Variants in ZFHX3 observed in about 807,000 individuals in gnomAD.
ZFHX3 encodes the protein zinc finger homeobox protein 3.
A neutral mutation model predicts 279.1 loss-of-function variants in ZFHX3; 42 were observed. The ratio of observed to expected loss-of-function variants is 0.15; its 90% CI spans 0.12 to 0.19. The LOEUF (loss-of-function observed/expected upper bound fraction) is 0.19, where lower values mean the gene tolerates loss of function less well. ZFHX3 is among the 10% of genes least tolerant of loss of function. ZFHX3 has a pLI of 1.00. For synonymous variants in ZFHX3, 2,293 were observed against 1,957.8 expected, an observed-to-expected ratio of 1.17 and a Z score of -4.52; for missense variants, 4,981 against 4,754.0, an observed-to-expected ratio of 1.05 and a Z score of -1.40.
chr16:73,513,638 G>A (rs1333286483), intron 2 of ZFHX3, among the ~76,000 whole-genome samples: 5 of 152,142 alleles, frequency 3.3e-5, no homozygotes, highest in African/African-American at 4.8e-5. Flanking sequence ...CCTCAATTTG[G>A]AGTGAGGATA....
intron 2 of ZFHX3, among the ~76,000 whole-genome samples, chr16:73,655,415 G>T (rs2052712739): frequency 6.6e-6 from 1 of 152,186 alleles, no homozygotes; most frequent in South Asian, 2.1e-4. Context: ...TATTAGAATA[G>T]GAGACTCTAC....
At chr16:72,925,128 G>A (rs12708935) in intron 3 of ZFHX3, among the ~76,000 whole-genome samples, 39,251 of 152,134 alleles carry the variant, frequency 0.26, 5,366 homozygotes, top group Middle Eastern at 0.31. Flanking sequence ...TTTGTGTGCT[G>A]TGCAAATAAC....
intron 4 of ZFHX3, among the ~76,000 whole-genome samples, chr16:72,872,845 A>G (rs543126524): frequency 2.8e-4 from 43 of 152,326 alleles, no homozygotes; most frequent in African/African-American, 7.0e-4. Flanking sequence ...GGGCAAAACT[A>G]GACTTCCGAA....
chr16:73,221,321 C>T (rs112503743), intron 5 of ZFHX3, among the ~76,000 whole-genome samples: 2,295 of 152,036 alleles, frequency 0.015, 63 homozygotes, highest in African/African-American at 0.052. Flanking sequence ...GTTATAATTT[C>T]GATGTATCTA....
intron 3 of ZFHX3, among the ~76,000 whole-genome samples, chr16:72,947,711 G>C (rs541866082): frequency 1.2e-3 from 183 of 152,240 alleles, no homozygotes; most frequent in Admixed American, 2.0e-3. Flanking sequence ...GGGACAGGGT[G>C]GGGTGGGGAA....
chr16:73,365,632 G>T (rs184331507), intron 3 of ZFHX3, among the ~76,000 whole-genome samples: 1 of 151,260 alleles, frequency 6.6e-6, no homozygotes, highest in East Asian at 2.0e-4. Context: ...TTCTGCTTCA[G>T]GAACTTACAA....
chr16:73,017,090 G>C (rs963540288), intron 1 of ZFHX3, among the ~76,000 whole-genome samples: 4 of 152,010 alleles, frequency 2.6e-5, no homozygotes, highest in African/African-American at 9.7e-5. Context: ...AGCCAGGCGT[G>C]GGGGCATGTG....
chr16:73,157,022 T>A (rs1021916724), intron 5 of ZFHX3, among the ~76,000 whole-genome samples: 1 of 151,984 alleles, frequency 6.6e-6, no homozygotes, highest in Non-Finnish European at 1.5e-5. Context: ...TCCTGGCTTA[T>A]TTTTTAATTT....
At chr16:73,711,199 T>C (rs544414253) in intron 1 of ZFHX3, among the ~76,000 whole-genome samples, 6 of 152,268 alleles carry the variant, frequency 3.9e-5, no homozygotes, top group Admixed American at 3.9e-4. Context: ...TTTATGTATA[T>C]GGGTCTGATA....
At chr16:73,476,269 C>T (rs2018764054) in intron 2 of ZFHX3, among the ~76,000 whole-genome samples, 1 of 151,858 alleles carries the variant, frequency 6.6e-6, no homozygotes, top group Non-Finnish European at 1.5e-5. Context: ...TTTTTGAGCA[C>T]TCTATTCTTT....
intron 2 of ZFHX3, among the ~76,000 whole-genome samples, chr16:72,952,821 CT>C (rs1006380693): frequency 6.6e-6 from 1 of 152,168 alleles, no homozygotes; most frequent in African/African-American, 2.4e-5. Context: ...AAAGAGCAGC[CT>C]TCCCTCCAGT....
intron 1 of ZFHX3, among the ~76,000 whole-genome samples, chr16:73,752,522 G>A (rs116261998): frequency 6.6e-6 from 1 of 152,036 alleles, no homozygotes; most frequent in Non-Finnish European, 1.5e-5. Context: ...TTTCTTCTCA[G>A]ATGGCCTCTC....
rs1567505198 is a variant in ZFHX3, at chr16:72,787,463, G to A, written c.10813C>T (p.Pro3605Ser). 1 of 1,606,886 alleles carries A rather than the reference G, an allele frequency of 6.2e-7. No homozygotes were observed. ...GAGGCGTGGGGGGAAGCGGAGGAGG[G>A]GGCGGCGGCCGACGGGGGAGGGGGG... ...DSPPPPSAAA[P>S]SSASPHASRK... The change falls in exon 10 of 10, where the codon CCC becomes TCC. Residue 3605 changes from proline (P) to serine (S), a missense_variant. Pro to Ser is a moderately conservative substitution (Grantham distance 74, BLOSUM62 -1). Coordinates refer to ENST00000268489, the MANE Select transcript of ZFHX3 (RefSeq NM_006885.4).
At chr16:73,266,803 C>A (rs928110793) in intron 4 of ZFHX3, among the ~76,000 whole-genome samples, 3 of 152,218 alleles carry the variant, frequency 2.0e-5, no homozygotes, top group Admixed American at 2.0e-4. Context: ...TGCTCTCTTG[C>A]CTTCTGCCAC....
At chr16:73,388,195 G>A (rs1470027799) in intron 3 of ZFHX3, among the ~76,000 whole-genome samples, 1 of 152,118 alleles carries the variant, frequency 6.6e-6, no homozygotes, top group Non-Finnish European at 1.5e-5. Context: ...GCAAATGGCT[G>A]CCACAGGTCT....
chr16:72,879,157 T>C (rs1411575858), intron 4 of ZFHX3, among the ~76,000 whole-genome samples: 1 of 152,212 alleles, frequency 6.6e-6, no homozygotes, highest in African/African-American at 2.4e-5. Flanking sequence ...CTGGGATCTT[T>C]ATATTATGTC....
rs1186704241 is a variant in ZFHX3 at position 72,958,778 on chromosome 16, T to C, written c.1368A>G (p.Val456=). The change falls in exon 2 of 10, where the codon GTA becomes GTG. Residue 456 remains valine, a synonymous_variant. Coordinates refer to ENST00000268489, the MANE Select transcript of ZFHX3 (RefSeq NM_006885.4). ...VGDGDCFSEK[V]EPAEEEAEEE... ...CCTCCGCCTCCTCTTCGGCTGGCTC[T>C]ACCTTCTCAGAGAAGCAATCCCCGT... is the stretch of plus-strand genomic sequence containing the variant. 1 of 1,614,098 alleles carries C rather than the reference T, an allele frequency of 6.2e-7. No homozygotes were observed. Among genetic ancestry groups the C allele is most frequent in the Non-Finnish European group, 8.5e-7 (1 of 1,180,032 alleles).
At chr16:73,788,265 T>C (rs142408583) in intron 1 of ZFHX3, among the ~76,000 whole-genome samples, 94 of 152,286 alleles carry the variant, frequency 6.2e-4, no homozygotes, top group Non-Finnish European at 1.2e-3. Context: ...AGCACTCTTA[T>C]TGGACAAACC....
At chr16:73,051,490 T>G (rs1424163920), upstream of ZFHX3, among the ~76,000 whole-genome samples, 1 of 152,122 alleles carries the variant, frequency 6.6e-6, no homozygotes, top group Non-Finnish European at 1.5e-5. Context: ...ACACAGATGT[T>G]TTGATTCACA....
Sources: gnomAD v4.1 joint callset for allele counts (sites outside exome capture counted in the v4.1 genomes callset) on GRCh38, gnomAD v4.1.1 for gene constraint, MANE v1.5 for transcripts, NCBI Gene and HGNC (gene_info 2026-07-23, HGNC 2026-07-21) for gene names.